The following DNAH12 variants were observed in gnomAD, a reference collection of about 807,000 sequenced individuals.
DNAH12 encodes the protein axonemal beta dynein heavy chain 12.
DNAH12 carries 285 observed loss-of-function variants against 371.5 expected under a neutral mutation model. That is an observed-to-expected ratio of 0.77 (90% CI 0.70 to 0.85). The LOEUF (loss-of-function observed/expected upper bound fraction) is 0.85, where lower values mean the gene tolerates loss of function less well. DNAH12 is among the 40% of genes least tolerant of loss of function. The pLI, the probability that DNAH12 is intolerant of heterozygous loss-of-function variation, is 0.00. For missense variants in DNAH12, 3,611 were observed against 3,689.4 expected, an observed-to-expected ratio of 0.98 and a Z score of 0.55; for synonymous variants, 1,200 against 1,213.0, an observed-to-expected ratio of 0.99 and a Z score of 0.22.
Position 57,523,590 on chromosome 3 carries a change from T to G in DNAH12, c.272A>C (p.Lys91Thr). The G allele has an allele frequency of 6.3e-7, 1 of 1,580,522 alleles. No individual in the cohort carries two copies. The highest frequency in any genetic ancestry group is 1.2e-5 in the South Asian group (1 of 83,086). ...YPQTMTSEMK[K>T]KGFNYIYMKQ... is the part of the protein sequence containing the mutation. ...ATAAAAACTTGAACTCACTCCTTTT[T>G]TTTTCATTTCACTGGTCATCTGTCA... The change falls in exon 4 of 74, where the codon AAA becomes ACA. Residue 91 changes from lysine to threonine, a missense_variant. Coordinates refer to ENST00000495027, the MANE Select transcript of DNAH12 (RefSeq NM_001366028.2).
chr3:57,405,801 A>C lies in DNAH12; in HGVS notation c.6428T>G (p.Val2143Gly), dbSNP rs1467945100. 4 of 1,551,730 alleles carry C rather than the reference A, an allele frequency of 2.6e-6. No individual in the cohort carries two copies. The highest frequency in any genetic ancestry group is 3.5e-6 in the Non-Finnish European group (4 of 1,146,998). ...ANKHTMIRLF[V>G]HEVLRVFYDR... Reference sequence around the variant, plus strand: ...ATAAAACACTCGGAGAACCTCATGCACAAACAGACGGATCATAGTGTGTTT... The same window carrying C: ...ATAAAACACTCGGAGAACCTCATGCCCAAACAGACGGATCATAGTGTGTTT... Residue 2143 changes from valine to glycine, a missense_variant, in exon 41 of 74, where the codon GTG (valine) becomes GGG (glycine). This residue lies in a region of DNAH12 where 2,266 missense variants were observed against 2,236.9 expected (regional missense o/e 1.01). Transcript: ENST00000495027.
rs1241820723 is a variant in DNAH12, at chr3:57,294,173, TTTC to T, written c.11693-205_11693-203del. 6.6e-5 allele frequency among the ~76,000 whole-genome samples: 8 copies of T among 121,120 alleles called. No individual in the cohort carries two copies. In the East Asian group the frequency reaches 1.9e-3, roughly 28 times the overall value. The allele number at this position is 121,120 out of a possible 152,430, so 79.5% of individuals were successfully genotyped here. A position where few individuals can be genotyped will look rare whatever the true frequency, so the allele number is the denominator to read the frequency against. ...GAAACAAGGCAAGTATTTCTTTTCT[TTTC>T]TTTTTTTTTTTTTTTTTGGAGACTG... On this transcript the variant is annotated intron_variant, in intron 73 of 73. Transcript: ENST00000495027.
intron 18 of DNAH12, among the ~76,000 whole-genome samples, chr3:57,462,290 C>G (rs1000860603): frequency 1.4e-4 from 21 of 151,994 alleles, no homozygotes; most frequent in African/African-American, 4.1e-4. Flanking sequence ...TCGCTCTTGT[C>G]ACCCAGGCTG....
rs2065994027 is a variant in DNAH12 at position 57,459,513 on chromosome 3, C to A, written c.2931+79G>T. On this transcript the variant is annotated intron_variant, in intron 20 of 73. Coordinates refer to ENST00000495027, the MANE Select transcript of DNAH12 (RefSeq NM_001366028.2). ...AATGAGCAAGTTTAATTTTTATAAT[C>A]AGAAAAAAAGTCACATGTTTTACTT... The A allele has an allele frequency of 2.1e-5, 27 of 1,265,534 alleles. 1 individual carries two copies. The Middle Eastern group carries it at 6.4e-4, about 30-fold the overall frequency. The allele number at this position is 1,265,534 out of a possible 1,614,324, so 78.4% of individuals were successfully genotyped here.
At chr3:57,314,410 G>A in intron 66 of DNAH12, 84 bp downstream of exon 66, 3 of 1,498,044 alleles carry the variant, frequency 2.0e-6, no homozygotes, top group Non-Finnish European at 2.7e-6. Flanking sequence ...TGGGAGAAGT[G>A]AATCAGCTAT....
At chr3:57,346,940 C>T (rs954068197) in intron 60 of DNAH12, among the ~76,000 whole-genome samples, 11 of 152,136 alleles carry the variant, frequency 7.2e-5, no homozygotes, top group African/African-American at 2.7e-4. Flanking sequence ...ATGAATAGAC[C>T]TGTATCTATT....
the DNAH12 span, among the ~76,000 whole-genome samples, chr3:57,551,341 G>C: frequency 4.0e-5 from 6 of 151,430 alleles, no homozygotes; most frequent in African/African-American, 1.5e-4. Context: ...GCGCGATCTC[G>C]GCTCACTGCA....
At position 57,390,424 on chromosome 3, in the gene DNAH12, A is replaced by AAAAAAT; in HGVS notation, c.7305+1447_7305+1448insATTTTT. 2.7e-4 allele frequency among the ~76,000 whole-genome samples: 9 copies of AAAAAAT among 33,440 alleles called. 1 individual carries two copies. The highest frequency in any genetic ancestry group is 0.12 in the East Asian group (2 of 16). The allele number at this position is 33,440 out of a possible 152,430, so 21.9% of individuals were successfully genotyped here. A position where few individuals can be genotyped will look rare whatever the true frequency, so the allele number is the denominator to read the frequency against. On this transcript the variant is annotated intron_variant, in intron 45 of 73. Transcript: ENST00000495027. ...ATCCTGTCTCAAAAAAAAAAAAAAA[A>AAAAAAT]ATATATATATATATATATATATATA...
rs1354304025 is a variant in DNAH12 at position 57,425,071 on chromosome 3, T to C, written c.5324A>G (p.Asn1775Ser). Reference protein sequence around the residue: ...LTRLFEVLLCNVVENDPTSKH... With the variant: ...LTRLFEVLLCSVVENDPTSKH... ...GCTAGTAGGATCATTTTCTACCACA[T>C]TGCAAAGTAGCACTTCAAAGAGGCG... The change falls in exon 35 of 74, where the codon AAT becomes AGT. Residue 1775 changes from asparagine to serine, a missense_variant. Transcript: ENST00000495027. 3 of 702,796 alleles carry C rather than the reference T, an allele frequency of 4.3e-6. No individual in the cohort carries two copies. Among genetic ancestry groups the C allele is most frequent in the Non-Finnish European group, 7.8e-6 (3 of 384,928 alleles). 43.5% of individuals were successfully genotyped at this position (702,796 alleles called of 1,614,324 possible).
chr3:57,491,910 G>A (rs2067139824), intron 11 of DNAH12, among the ~76,000 whole-genome samples: 1 of 152,080 alleles, frequency 6.6e-6, no homozygotes, highest in African/African-American at 2.4e-5. Flanking sequence ...GAAGGCTGAG[G>A]TGGGAGGAAC....
intron 65 of DNAH12, among the ~76,000 whole-genome samples, chr3:57,318,244 G>A (rs137884635): frequency 9.2e-5 from 14 of 152,118 alleles, no homozygotes; most frequent in African/African-American, 2.2e-4. Context: ...GATCAATGTC[G>A]TGAAGCTTTC....
At chr3:57,508,205 A>C (rs560519189) in intron 7 of DNAH12, among the ~76,000 whole-genome samples, 177 bp downstream of exon 7, 52 of 151,956 alleles carry the variant, frequency 3.4e-4, no homozygotes, top group East Asian at 2.3e-3. Context: ...AAAAACAAAA[A>C]AAAAAAAAAC....
intron 12 of DNAH12, among the ~76,000 whole-genome samples, chr3:57,484,978 A>G (rs958542396): frequency 6.6e-6 from 1 of 152,234 alleles, no homozygotes; most frequent in African/African-American, 2.4e-5. Flanking sequence ...TAAAACCACA[A>G]TGAGATACCA....
chr3:57,323,581 T>TA lies in DNAH12; in HGVS notation c.10016dup (p.Gly3340ArgfsTer11). 6.5e-7 allele frequency: 1 copy of TA among 1,550,276 alleles called. No homozygotes were observed. The highest frequency in any genetic ancestry group is 1.2e-5 in the South Asian group (1 of 83,640). On this transcript the variant is annotated frameshift_variant, in exon 63 of 74. Transcript: ENST00000495027. LOFTEE classifies it high-confidence loss of function. ...GTGGAGGCTCTACAAACTTTTTCCC[T>TA]AGTTTGTCAGTTACATAGTTTGTTA...
intron 29 of DNAH12, among the ~76,000 whole-genome samples, chr3:57,442,138 C>T (rs1388624903): frequency 6.6e-6 from 1 of 151,960 alleles, no homozygotes; most frequent in African/African-American, 2.4e-5. Context: ...TTCAGACAGA[C>T]AAAAGGTGAG....
At chr3:57,403,592 T>G (rs1226777226) in intron 42 of DNAH12, 91 bp from the exon 43 acceptor site, 2 of 1,221,238 alleles carry the variant, frequency 1.6e-6, no homozygotes, top group African/African-American at 3.1e-5. Context: ...CCTAGAAGAA[T>G]GTGACTCTGC....
intron 25 of DNAH12, among the ~76,000 whole-genome samples, chr3:57,449,259 G>A (rs2065656544): frequency 6.6e-6 from 1 of 152,198 alleles, no homozygotes; most frequent in African/African-American, 2.4e-5. Flanking sequence ...GTCCCCACCA[G>A]ACTCAGAAGC....
intron 22 of DNAH12, among the ~76,000 whole-genome samples, chr3:57,456,947 T>G (rs1559681691): frequency 6.6e-6 from 1 of 152,216 alleles, no homozygotes; most frequent in Non-Finnish European, 1.5e-5. Flanking sequence ...TTTCTGATAT[T>G]CTACTTTTCT....
At chr3:57,338,323 C>T (rs188348176) in intron 60 of DNAH12, among the ~76,000 whole-genome samples, 1 of 152,340 alleles carries the variant, frequency 6.6e-6, no homozygotes, top group African/African-American at 2.4e-5. Flanking sequence ...TCAATGTTGC[C>T]CAGGCTGGAG....
Sources: allele counts gnomAD v4.1 joint callset (sites outside exome capture counted in the v4.1 genomes callset), GRCh38; gene constraint gnomAD v4.1.1; regional missense constraint gnomAD v4.1.1; transcripts MANE v1.5; gene names NCBI Gene and HGNC (gene_info 2026-07-23, HGNC 2026-07-21).